The following ZBED4 variants were observed in gnomAD, a reference collection of about 807,000 sequenced individuals.
ZBED4 encodes zinc finger BED domain-containing protein 4.
A neutral mutation model predicts 15.5 loss-of-function variants in ZBED4; 4 were observed. The observed-to-expected ratio is 0.26, with a 90% CI of 0.13 to 0.59. ZBED4 has a LOEUF of 0.59. ZBED4 is among the 20% of genes least tolerant of loss of function. ZBED4 has a pLI of 0.90. For missense variants in ZBED4, 1,323 were observed against 1,461.8 expected, an observed-to-expected ratio of 0.91 and a Z score of 1.55; for synonymous variants, 692 against 608.5, an observed-to-expected ratio of 1.14 and a Z score of -2.02.
At chr22:49,853,322 G>A (rs143869084), upstream of ZBED4, 1 of 152,446 alleles carries the variant, frequency 6.6e-6, no homozygotes, top group Non-Finnish European at 1.5e-5. Flanking sequence ...CCGTCCCCCG[G>A]GGGGGCCGCG....
At chr22:49,855,132 C>T (rs537263888) in intron 1 of ZBED4, among the ~76,000 whole-genome samples, 34 of 152,246 alleles carry the variant, frequency 2.2e-4, no homozygotes, top group Non-Finnish European at 4.6e-4. Context: ...GACGTCCGTA[C>T]AAGGCTGCAC....
chr22:49,880,645 A>G (rs73443906), intron 1 of ZBED4, among the ~76,000 whole-genome samples: 17,163 of 152,210 alleles, frequency 0.11, 1,345 homozygotes, highest in African/African-American at 0.21. Flanking sequence ...TTTGTTCATC[A>G]TGGCTAGAAG....
rs2060422306 is a variant in ZBED4 at position 49,883,869 on chromosome 22, G to GC, written c.212dup (p.Lys73GlufsTer8). The GC allele has an allele frequency of 6.2e-7, 1 of 1,606,730 alleles. No individual in the cohort carries two copies. Among genetic ancestry groups the GC allele is most frequent in the Admixed American group, 1.7e-5 (1 of 59,472 alleles). ...TCGGTGGGACGGGTTGCAGCTGCAA[G>GC]CCCCCGGGGAAGTACTTGTCTGCAG... On this transcript the variant is annotated frameshift_variant, in exon 2 of 2. Coordinates refer to ENST00000216268, the MANE Select transcript of ZBED4 (RefSeq NM_014838.3). LOFTEE classifies it low-confidence loss of function (END_TRUNC).
rs200129038 is a variant in ZBED4, at chr22:49,885,962, C to T, written c.2300C>T (p.Ser767Leu). The T allele has an allele frequency of 8.2e-5, 59 of 722,942 alleles. No homozygotes were observed. The East Asian group carries it at 1.3e-3, about 15-fold the overall frequency. 44.8% of individuals were successfully genotyped at this position (722,942 alleles called of 1,614,324 possible). The change falls in exon 2 of 2, where the codon TCG becomes TTG. Residue 767 changes from serine to leucine, a missense_variant. By Grantham distance (145) the Ser-to-Leu change is moderately radical. Coordinates refer to ENST00000216268, the MANE Select transcript of ZBED4 (RefSeq NM_014838.3). ...CCGCGCTGTGACGACCACCACTGCT[C>T]GGCGCTGTTGGACGTGTCGCAGGTG... Reference protein sequence around the residue: ...ARPRCDDHHCSALLDVSQVDC... With the variant: ...ARPRCDDHHCLALLDVSQVDC...
rs2060281745 is a variant in ZBED4, at chr22:49,858,024, A to T, written c.-330+4035A>T. 2.0e-5 allele frequency among the ~76,000 whole-genome samples: 3 copies of T among 152,180 alleles called. No individual in the cohort carries two copies. In the South Asian group the frequency reaches 6.2e-4, roughly 32 times the overall value. On this transcript the variant is annotated intron_variant, in intron 1 of 1. Transcript: ENST00000216268. ...TGATCCGTCCACCTTGGCCTCCCAA[A>T]GTGCCAGGACAGGACTACAGGCGTG... is the stretch of plus-strand genomic sequence containing the variant.
At chr22:49,853,103 G>A (rs2060258448), upstream of ZBED4, 1 of 152,310 alleles carries the variant, frequency 6.6e-6, no homozygotes, top group African/African-American at 2.4e-5. Context: ...GTCACCAACG[G>A]GGGACCTCGG....
At position 49,884,595 on chromosome 22, in the gene ZBED4, C is replaced by T. The variant is rs771113610; in HGVS notation, c.933C>T (p.Asn311=). Residue 311 remains asparagine, a synonymous_variant, in exon 2 of 2, where the codon AAC becomes AAT. Transcript: ENST00000216268. ...NSKAVCIHCM[N]EFSRGKNGKD... The stretch of plus-strand genomic sequence containing the variant: ...AAGCTGTCTGCATTCACTGCATGAA[C>T]GAGTTCAGCCGGGGGAAGAATGGGA... 5.6e-6 allele frequency: 9 copies of T among 1,612,080 alleles called. No homozygotes were observed. Among genetic ancestry groups the T allele is most frequent in the East Asian group, 2.2e-5 (1 of 44,894 alleles).
rs1601806813 is a variant in ZBED4 at position 49,887,220 on chromosome 22, A to C, written c.*42A>C. ...ACTAGGCCAGAGGCGTGGCTGCCCC[A>C]GCGTTAGCAGCCTGTACCAGGTCTA... On this transcript the variant is annotated 3_prime_UTR_variant, in exon 2 of 2. Coordinates refer to ENST00000216268, the MANE Select transcript of ZBED4 (RefSeq NM_014838.3). 6.4e-7 allele frequency: 1 copy of C among 1,559,880 alleles called. No homozygotes were observed. The highest frequency in any genetic ancestry group is 8.7e-7 in the Non-Finnish European group (1 of 1,150,746).
At chr22:49,856,122 C>T (rs1435363685) in intron 1 of ZBED4, among the ~76,000 whole-genome samples, 1 of 152,238 alleles carries the variant, frequency 6.6e-6, no homozygotes, top group African/African-American at 2.4e-5. Flanking sequence ...CCTCAGATCC[C>T]TTCCTTGGTC....
chr22:49,886,452 G>A lies in ZBED4; in HGVS notation c.2790G>A (p.Met930Ile). Residue 930 changes from methionine to isoleucine, a missense_variant, in exon 2 of 2, where the codon ATG (methionine) becomes ATA (isoleucine). This residue lies in a region of ZBED4 where 312 missense variants were observed against 410.7 expected (regional missense o/e 0.76). Transcript: ENST00000216268. The surrounding 1 kb of genome is among the most constrained non-coding windows in gnomAD (Gnocchi z 7.7). Reference sequence around the variant, plus strand: ...TCAGCTGCGACCAGTGGGAGGTCATGCAGTCCGTGTGCCGTGCGCTAAAGC... The same window carrying A: ...TCAGCTGCGACCAGTGGGAGGTCATACAGTCCGTGTGCCGTGCGCTAAAGC... ...ELISCDQWEVMQSVCRALKPF... is the reference protein window; with the variant it reads ...ELISCDQWEVIQSVCRALKPF... The A allele has an allele frequency of 6.3e-7, 1 of 1,576,230 alleles. No individual in the cohort carries two copies.
chr22:49,873,732 AC>A (rs1435651651), intron 1 of ZBED4, among the ~76,000 whole-genome samples: 2 of 152,170 alleles, frequency 1.3e-5, no homozygotes, highest in Non-Finnish European at 2.9e-5. Context: ...CATCACCCCC[AC>A]CCTGCAGCCC....
At chr22:49,856,920 A>G (rs6009332) in intron 1 of ZBED4, among the ~76,000 whole-genome samples, 16,622 of 152,036 alleles carry the variant, frequency 0.11, 2,573 homozygotes, top group African/African-American at 0.35. Flanking sequence ...TTCAGCAGCC[A>G]TGGCCCATGT....
rs538507770 is a variant in ZBED4, at chr22:49,885,949, G to T, written c.2287G>T (p.Asp763Tyr). 3 of 746,208 alleles carry T rather than the reference G, an allele frequency of 4.0e-6. No homozygotes were observed. The highest frequency in any genetic ancestry group is 4.2e-5 in the Admixed American group (2 of 47,404). The allele number at this position is 746,208 out of a possible 1,614,324, so 46.2% of individuals were successfully genotyped here. ...FESPARPRCD[D>Y]HHCSALLDVS... ...GTCGCCAGCCCGGCCGCGCTGTGAC[G>T]ACCACCACTGCTCGGCGCTGTTGGA... is the stretch of plus-strand genomic sequence containing the variant. The change falls in exon 2 of 2, where the codon GAC (aspartate) becomes TAC (tyrosine). Residue 763 changes from aspartate (D) to tyrosine (Y), a missense_variant. By Grantham distance (160) the Asp-to-Tyr change is radical. Coordinates refer to ENST00000216268, the MANE Select transcript of ZBED4 (RefSeq NM_014838.3).
intron 1 of ZBED4, 89 bp downstream of exon 1, chr22:49,854,078 TC>T (rs991245331): frequency 2.1e-5 from 3 of 141,866 alleles, no homozygotes; most frequent in Non-Finnish European, 4.7e-5. Context: ...CGCGCCATTG[TC>T]TGCGCCGCGC....
chr22:49,854,728 C>T (rs1217660803), intron 1 of ZBED4, among the ~76,000 whole-genome samples: 1 of 152,086 alleles, frequency 6.6e-6, no homozygotes, highest in Non-Finnish European at 1.5e-5. Flanking sequence ...CCCTGGTAGA[C>T]CCGGGCACCT....
chr22:49,881,175 G>C (rs1213033104), intron 1 of ZBED4, among the ~76,000 whole-genome samples: 2 of 152,114 alleles, frequency 1.3e-5, no homozygotes, highest in African/African-American at 2.4e-5. Context: ...GCGAAACCCC[G>C]TCTCTACTAA....
intron 1 of ZBED4, among the ~76,000 whole-genome samples, chr22:49,877,139 A>G (rs2060380644): frequency 6.6e-6 from 1 of 152,214 alleles, no homozygotes; most frequent in African/African-American, 2.4e-5. Flanking sequence ...CCTAAACGAG[A>G]AAAAGATTAA....
In ZBED4 at chr22:49,886,596, C is replaced by T. The variant is rs142875676; in HGVS notation, c.2934C>T (p.Ile978=). 19 of 1,559,194 alleles carry T rather than the reference C, an allele frequency of 1.2e-5. No individual in the cohort carries two copies. The highest frequency in any genetic ancestry group is 2.4e-5 in the South Asian group (2 of 82,990). The change falls in exon 2 of 2, where the codon ATC becomes ATT. Residue 978 remains isoleucine (I), a synonymous_variant. Transcript: ENST00000216268. The surrounding 1 kb of genome is among the most constrained non-coding windows in gnomAD (Gnocchi z 7.7). The part of the protein sequence containing the change: ...VEMLFEETMG[I]DTMLRSLKEA... ...TGCTCTTCGAGGAGACGATGGGCAT[C>T]GACACCATGCTGCGCTCTCTGAAGG...
rs116332282 is a variant in ZBED4, at chr22:49,886,164, G to A, written c.2502G>A (p.Leu834=). The change falls in exon 2 of 2, where the codon CTG becomes CTA. Residue 834 remains leucine (L), a synonymous_variant. Transcript: ENST00000216268. This position sits in a 1 kb window ranked among gnomAD's most constrained non-coding sequence, Gnocchi z 7.7. ...AGTGCTTCAGCCATACGGTGAACCT[G>A]ATCGTCAGCGAGGCCATTAAGAGCC... is the stretch of plus-strand genomic sequence containing the variant. ...SVQCFSHTVN[L]IVSEAIKSQR... is the part of the protein sequence containing the mutation. 696 of 697,572 alleles carry A rather than the reference G, an allele frequency of 1.0e-3. 7 individuals carry two copies. Among genetic ancestry groups the A allele is most frequent in the African/African-American group, 9.0e-3 (506 of 56,386 alleles). The allele number at this position is 697,572 out of a possible 1,614,324, so 43.2% of individuals were successfully genotyped here.
Sources: gnomAD v4.1 joint callset for allele counts (sites outside exome capture counted in the v4.1 genomes callset) on GRCh38, gnomAD v4.1.1 for gene constraint, gnomAD v4.1.1 regional missense constraint, Gnocchi (gnomAD v3.1) non-coding constraint, MANE v1.5 for transcripts, NCBI Gene and HGNC (gene_info 2026-07-23, HGNC 2026-07-21) for gene names.